The following SH3RF2 variants were observed in gnomAD, a reference collection of about 807,000 sequenced individuals.
SH3RF2 encodes E3 ubiquitin-protein ligase SH3RF2.
Under a neutral mutation model 59.0 loss-of-function variants are expected in SH3RF2, and 43 were observed. That is an observed-to-expected ratio of 0.73 (90% CI 0.57 to 0.94). SH3RF2 has a LOEUF of 0.94. Among genes scored for constraint, SH3RF2 ranks in the 40% least tolerant of loss-of-function variants. The pLI is 0.00. For missense variants in SH3RF2, 930 were observed against 940.1 expected, an observed-to-expected ratio of 0.99 and a Z score of 0.14; for synonymous variants, 391 against 391.5, an observed-to-expected ratio of 1.00 and a Z score of 0.01.
intron 5 of SH3RF2, among the ~76,000 whole-genome samples, chr5:146,029,732 C>T (rs1188260890): frequency 1.3e-5 from 2 of 152,182 alleles, no homozygotes; most frequent in Admixed American, 6.5e-5. Flanking sequence ...GCCCCTATAT[C>T]ACAACCCTCT....
At chr5:146,075,194 T>C (rs777889804) in intron 9 of SH3RF2, among the ~76,000 whole-genome samples, 26 of 152,192 alleles carry the variant, frequency 1.7e-4, no homozygotes, top group Non-Finnish European at 3.5e-4. Flanking sequence ...TTGAGATAAT[T>C]ATGAAGCAGG....
At chr5:145,946,796 A>G (rs2149942807) in intron 2 of SH3RF2, among the ~76,000 whole-genome samples, 1 of 152,310 alleles carries the variant, frequency 6.6e-6, no homozygotes, top group South Asian at 2.1e-4. Flanking sequence ...TCATAGGGAT[A>G]CCAGTGACAG....
intron 5 of SH3RF2, among the ~76,000 whole-genome samples, chr5:146,019,110 T>C (rs1761215844): frequency 6.6e-6 from 1 of 152,104 alleles, no homozygotes. Context: ...AGCTTTTTAT[T>C]TTACTTAGGT....
chr5:146,070,085 G>A (rs1450611937), intron 9 of SH3RF2, among the ~76,000 whole-genome samples: 1 of 151,844 alleles, frequency 6.6e-6, no homozygotes, highest in Admixed American at 6.6e-5. Context: ...CATACATTGT[G>A]TCATTTAATT....
At position 145,938,259 on chromosome 5, in the gene SH3RF2, G is replaced by A. The variant is rs370760801; in HGVS notation, c.331G>A (p.Ala111Thr). ...KSRTNPRRLQ[A>T]SPFRLVPNVR... The stretch of plus-strand genomic sequence containing the variant: ...CAGGACCAACCCCAGACGTCTGCAG[G>A]CCAGTCCTTTCCGGCTAGTGCCTAA... The change falls in exon 2 of 10, where the codon GCC becomes ACC. Residue 111 changes from alanine to threonine, a missense_variant. Ala to Thr is a moderately conservative substitution (Grantham distance 58). Coordinates refer to ENST00000359120, the MANE Select transcript of SH3RF2 (RefSeq NM_152550.4). The A allele has an allele frequency of 1.3e-6, 2 of 1,599,256 alleles. No homozygotes were observed. The highest frequency in any genetic ancestry group is 1.7e-6 in the Non-Finnish European group (2 of 1,175,768).
intron 2 of SH3RF2, among the ~76,000 whole-genome samples, chr5:145,970,715 A>C (rs1759047298): frequency 6.6e-6 from 1 of 152,216 alleles, no homozygotes; most frequent in African/African-American, 2.4e-5. Flanking sequence ...CTGTTATAGC[A>C]GCACAAAATA....
intron 5 of SH3RF2, among the ~76,000 whole-genome samples, chr5:146,014,416 T>G (rs2149993597): frequency 6.6e-6 from 1 of 152,258 alleles, no homozygotes; most frequent in African/African-American, 2.4e-5. Flanking sequence ...TGGCACCTAT[T>G]TTCTCGAGAG....
intron 2 of SH3RF2, among the ~76,000 whole-genome samples, chr5:145,960,318 A>G (rs1174382472): frequency 6.6e-6 from 1 of 152,258 alleles, no homozygotes; most frequent in African/African-American, 2.4e-5. Context: ...TGGGACATTC[A>G]AAAGAATCAC....
chr5:145,953,123 G>C (rs202005648), intron 2 of SH3RF2, among the ~76,000 whole-genome samples: 2 of 134,878 alleles, frequency 1.5e-5, no homozygotes, highest in African/African-American at 5.5e-5. Flanking sequence ...CTCTCTCTCT[G>C]TCACACACAC....
At chr5:146,005,669 T>C (rs943939338) in intron 4 of SH3RF2, among the ~76,000 whole-genome samples, 44 of 152,200 alleles carry the variant, frequency 2.9e-4, no homozygotes, top group African/African-American at 1.0e-3. Context: ...CCCTTTCAGA[T>C]ACACCACCCA....
rs57414880 is a variant in SH3RF2, at chr5:145,967,654, T to C, written c.378+29348T>C. 2.5e-3 allele frequency among the ~76,000 whole-genome samples: 381 copies of C among 152,274 alleles called. 9 individuals carry two copies. Among genetic ancestry groups the C allele is most frequent in the African/African-American group, 8.2e-3 (341 of 41,542 alleles). ...TGAATTTATGGTGAGTTATTTCTTT[T>C]TTTCTTTCTTTCTTTTTTTTCTGAG... On this transcript the variant is annotated intron_variant, in intron 2 of 9. Coordinates refer to ENST00000359120, the MANE Select transcript of SH3RF2 (RefSeq NM_152550.4).
At chr5:146,046,893 A>T (rs1762323861) in intron 5 of SH3RF2, among the ~76,000 whole-genome samples, 1 of 151,998 alleles carries the variant, frequency 6.6e-6, no homozygotes, top group South Asian at 2.1e-4. Flanking sequence ...CCTCCTGAGT[A>T]GCTGGAATGA....
At chr5:145,956,032 C>T (rs1758393708) in intron 2 of SH3RF2, among the ~76,000 whole-genome samples, 1 of 152,064 alleles carries the variant, frequency 6.6e-6, no homozygotes, top group Non-Finnish European at 1.5e-5. Flanking sequence ...ATGGAATAGA[C>T]CAGAACTTCC....
At chr5:145,940,145 C>T (rs905844356) in intron 2 of SH3RF2, among the ~76,000 whole-genome samples, 2 of 152,170 alleles carry the variant, frequency 1.3e-5, no homozygotes, top group East Asian at 1.9e-4. Context: ...ATCAGACTAT[C>T]GTCTGTGCCC....
chr5:146,062,621 C>T lies in SH3RF2; in HGVS notation c.2110C>T (p.Arg704Trp), dbSNP rs777612310. Residue 704 changes from arginine to tryptophan, a missense_variant, in exon 10 of 10, where the codon CGG becomes TGG. Physicochemically the swap from Arg to Trp is moderately radical, Grantham distance 101. Coordinates refer to ENST00000359120, the MANE Select transcript of SH3RF2 (RefSeq NM_152550.4). ...GCHSGQQTDL[R>W]RKSALGKATT... ...CCACTCCGGACAGCAGACAGACCTC[C>T]GGAGAAAGTCAGCTCTTGGCAAGGC... 5.6e-6 allele frequency: 9 copies of T among 1,614,178 alleles called. No individual in the cohort carries two copies. Among genetic ancestry groups the T allele is most frequent in the East Asian group, 4.5e-5 (2 of 44,876 alleles).
intron 2 of SH3RF2, among the ~76,000 whole-genome samples, chr5:145,973,425 ACTT>A (rs1157686737): frequency 6.6e-6 from 1 of 152,236 alleles, no homozygotes; most frequent in African/African-American, 2.4e-5. Flanking sequence ...AACCAATTGA[ACTT>A]CTCTCAAAAT....
intron 2 of SH3RF2, among the ~76,000 whole-genome samples, chr5:145,940,097 C>T (rs577655908): frequency 6.6e-6 from 1 of 152,264 alleles, no homozygotes; most frequent in South Asian, 2.1e-4. Context: ...CATTAAGATA[C>T]TGGGTCTCTC....
chr5:145,944,655 C>T (rs550076248), intron 2 of SH3RF2, among the ~76,000 whole-genome samples: 2 of 152,296 alleles, frequency 1.3e-5, no homozygotes, highest in South Asian at 4.1e-4. Context: ...CCCTTTGCTG[C>T]AGGACTTTTT....
chr5:145,965,715 C>A (rs1370381916), intron 2 of SH3RF2, among the ~76,000 whole-genome samples: 4 of 152,114 alleles, frequency 2.6e-5, no homozygotes, highest in Non-Finnish European at 5.9e-5. Flanking sequence ...TGCCAGCCAG[C>A]CAGACGACTA....
Sources: gnomAD v4.1 joint callset for allele counts (sites outside exome capture counted in the v4.1 genomes callset) on GRCh38, gnomAD v4.1.1 for gene constraint, MANE v1.5 for transcripts, NCBI Gene and HGNC (gene_info 2026-07-23, HGNC 2026-07-21) for gene names.